Variants in RNGTT observed in about 807,000 individuals in gnomAD.
RNGTT encodes the protein mRNA-capping enzyme.
In RNGTT, 33 loss-of-function variants were observed where a neutral mutation model predicts 79.3. The observed-to-expected ratio is 0.42, with a 90% CI of 0.32 to 0.56. RNGTT has a LOEUF of 0.56. RNGTT is among the 20% of genes least tolerant of loss of function. The pLI, the probability that RNGTT is intolerant of heterozygous loss-of-function variation, is 0.17. For synonymous variants in RNGTT, 222 were observed against 235.9 expected (o/e 0.94, Z 0.54); for missense variants, 497 against 739.1 (o/e 0.67, Z 3.80).
At chr6:88,946,949 A>C (rs1412165832) in intron 1 of RNGTT, among the ~76,000 whole-genome samples, 2 of 102,614 alleles carry the variant, frequency 1.9e-5, no homozygotes, top group Admixed American at 2.0e-4. Flanking sequence ...CTCAGTGCTC[A>C]ATGGTGCCCA....
intron 4 of RNGTT, among the ~76,000 whole-genome samples, chr6:88,914,559 G>C (rs551453379): frequency 1.3e-5 from 2 of 152,146 alleles, no homozygotes; most frequent in African/African-American, 4.8e-5. Context: ...ATTCGATAAA[G>C]TGTGCTAGGA....
At chr6:88,618,860 T>G (rs190357525) in intron 14 of RNGTT, among the ~76,000 whole-genome samples, 117 of 152,384 alleles carry the variant, frequency 7.7e-4, no homozygotes, top group East Asian at 1.3e-3. Context: ...AACTCTTGCC[T>G]GAGCAATTAT....
In RNGTT at chr6:88,647,715, A is replaced by AAAAAAAAAAAAAAAAAAGAAAAAAGAAG. The variant is rs531898293; in HGVS notation, c.1506+30637_1506+30638insCTTCTTTTTTCTTTTTTTTTTTTTTTTT. Among the ~76,000 whole-genome samples the AAAAAAAAAAAAAAAAAAGAAAAAAGAAG allele has an allele frequency of 1.7e-3, 240 of 142,406 alleles. 5 individuals are homozygous for AAAAAAAAAAAAAAAAAAGAAAAAAGAAG. The highest frequency in any genetic ancestry group is 6.7e-3 in the African/African-American group (223 of 33,046). The allele number at this position is 142,406 out of a possible 152,430, so 93.4% of individuals were successfully genotyped here. A position where few individuals can be genotyped will look rare whatever the true frequency, so the allele number is the denominator to read the frequency against. Reference sequence around the variant, plus strand: ...CGACACCCTGTTAAAAAAAAAAAAAAAAGAAGAAGAAGAAAAGAAGGAAGG... The same window carrying AAAAAAAAAAAAAAAAAAGAAAAAAGAAG: ...CGACACCCTGTTAAAAAAAAAAAAAAAAAAAAAAAAAAAAAAAGAAAAAAGAAGAAGAAGAAGAAGAAAAGAAGGAAGG... On this transcript the variant is annotated intron_variant, in intron 14 of 15. Transcript: ENST00000369485.
chr6:88,638,063 T>C (rs1479191320), intron 14 of RNGTT, among the ~76,000 whole-genome samples: 2 of 152,098 alleles, frequency 1.3e-5, no homozygotes, highest in East Asian at 1.9e-4. Flanking sequence ...ATAGATTCAT[T>C]AGAAAATTTC....
intron 6 of RNGTT, among the ~76,000 whole-genome samples, chr6:88,902,000 G>C (rs1783485802): frequency 6.6e-6 from 1 of 152,084 alleles, no homozygotes; most frequent in South Asian, 2.1e-4. Context: ...GGGTAAATAT[G>C]TGGGTATACC....
intron 11 of RNGTT, among the ~76,000 whole-genome samples, chr6:88,803,177 T>A (rs1025871637): frequency 6.6e-6 from 1 of 152,204 alleles, no homozygotes; most frequent in Non-Finnish European, 1.5e-5. Context: ...TAAAAATCTA[T>A]ATTTCCTTAA....
intron 13 of RNGTT, among the ~76,000 whole-genome samples, chr6:88,691,090 T>C (rs1691844107): frequency 6.6e-6 from 1 of 152,168 alleles, no homozygotes; most frequent in Non-Finnish European, 1.5e-5. Context: ...TCATGTCAAA[T>C]TGTAATCCCC....
chr6:88,737,108 A>T (rs1426252752), intron 13 of RNGTT, among the ~76,000 whole-genome samples: 1 of 152,166 alleles, frequency 6.6e-6, no homozygotes, highest in Admixed American at 6.5e-5. Context: ...GATCTAATGG[A>T]ATTTCCTCGA....
At chr6:88,956,317 A>C (rs1785430347) in intron 1 of RNGTT, among the ~76,000 whole-genome samples, 1 of 151,966 alleles carries the variant, frequency 6.6e-6, no homozygotes, top group Non-Finnish European at 1.5e-5. Flanking sequence ...AGAAACTCTG[A>C]ACAGACTAAT....
chr6:88,903,666 C>A (rs1218032467), intron 6 of RNGTT, among the ~76,000 whole-genome samples: 1 of 152,146 alleles, frequency 6.6e-6, no homozygotes. Context: ...AAATAACTTA[C>A]ATGGTTTACA....
At chr6:88,909,926 C>A (rs1783778344) in intron 4 of RNGTT, among the ~76,000 whole-genome samples, 2 of 151,182 alleles carry the variant, frequency 1.3e-5, no homozygotes, top group Admixed American at 1.3e-4. Context: ...TGACTATACA[C>A]AACATTTACC....
intron 12 of RNGTT, among the ~76,000 whole-genome samples, chr6:88,782,969 A>C (rs1438020596): frequency 6.6e-6 from 1 of 152,196 alleles, no homozygotes; most frequent in East Asian, 1.9e-4. Context: ...ACAGCCCATT[A>C]GTGAAAACAG....
At chr6:88,645,666 A>G (rs1304819774) in intron 14 of RNGTT, among the ~76,000 whole-genome samples, 1 of 152,214 alleles carries the variant, frequency 6.6e-6, no homozygotes, top group African/African-American at 2.4e-5. Flanking sequence ...ATACAGACCA[A>G]TGGAACAGAA....
chr6:88,725,835 G>A (rs963679370), intron 13 of RNGTT, among the ~76,000 whole-genome samples: 2 of 152,134 alleles, frequency 1.3e-5, no homozygotes, highest in Non-Finnish European at 2.9e-5. Flanking sequence ...GAAGGAGAGG[G>A]GAGAACAGCA....
intron 14 of RNGTT, among the ~76,000 whole-genome samples, chr6:88,617,897 C>T (rs1772293014): frequency 6.6e-6 from 1 of 151,510 alleles, no homozygotes; most frequent in Admixed American, 6.6e-5. Flanking sequence ...AGTAAATTTA[C>T]TAAAGGAACC....
intron 6 of RNGTT, among the ~76,000 whole-genome samples, chr6:88,899,722 CA>C (rs1783381862): frequency 6.6e-6 from 1 of 152,190 alleles, no homozygotes; most frequent in African/African-American, 2.4e-5. Flanking sequence ...GTGAGCTAGA[CA>C]TCTTCTACAG....
At chr6:88,657,922 TGAGCTCA>T (rs1774039609) in intron 14 of RNGTT, among the ~76,000 whole-genome samples, 1 of 152,186 alleles carries the variant, frequency 6.6e-6, no homozygotes, top group Non-Finnish European at 1.5e-5. Flanking sequence ...AAGGAGAGTC[TGAGCTCA>T]GATCTGCCCA....
intron 1 of RNGTT, among the ~76,000 whole-genome samples, chr6:88,945,838 A>C (rs531956973): frequency 6.6e-6 from 1 of 152,302 alleles, no homozygotes; most frequent in African/African-American, 2.4e-5. Flanking sequence ...GAGATCACCC[A>C]TGCCTGCTCC....
rs1469797674 is a variant in RNGTT at position 88,716,294 on chromosome 6, A to G, written c.1440-37875T>C. ...ACCATCTCACACCAGTTAGAATGGC[A>G]ATCATTAAAAAGTCAGGAAACAACA... On this transcript the variant is annotated intron_variant, in intron 13 of 15. Transcript: ENST00000369485. Among the ~76,000 whole-genome samples the G allele has an allele frequency of 1.4e-4, 21 of 151,586 alleles. No homozygotes were observed. The East Asian group carries it at 1.5e-3, about 11-fold the overall frequency.
Sources: allele counts gnomAD v4.1 joint callset (sites outside exome capture counted in the v4.1 genomes callset), GRCh38; gene constraint gnomAD v4.1.1; transcripts MANE v1.5; gene names NCBI Gene and HGNC (gene_info 2026-07-23, HGNC 2026-07-21).